FAM171A1: variants seen among roughly 807,000 people sequenced by gnomAD.
FAM171A1 encodes the protein protein FAM171A1.
FAM171A1 carries 23 observed loss-of-function variants against 74.9 expected under a neutral mutation model. That is an observed-to-expected ratio of 0.31 (90% CI 0.22 to 0.44). The LOEUF (loss-of-function observed/expected upper bound fraction) is 0.44, where lower values mean the gene tolerates loss of function less well. FAM171A1 is among the 20% of genes least tolerant of loss of function. FAM171A1 has a pLI of 1.00. For missense variants in FAM171A1, 1,162 were observed against 1,159.2 expected (o/e 1.00, Z -0.03); for synonymous variants, 527 against 505.7 (o/e 1.04, Z -0.57).
At chr10:15,240,271 G>T (rs144856645) in intron 5 of FAM171A1, among the ~76,000 whole-genome samples, 10 of 152,116 alleles carry the variant, frequency 6.6e-5, no homozygotes, top group Non-Finnish European at 2.9e-5. Context: ...TGAGGCCAGA[G>T]AATCACTTGA....
At chr10:15,234,501 T>C (rs908199211) in intron 5 of FAM171A1, among the ~76,000 whole-genome samples, 2 of 152,122 alleles carry the variant, frequency 1.3e-5, no homozygotes, top group African/African-American at 4.8e-5. Flanking sequence ...TCGGGAACAT[T>C]GGTTACAGAA....
intron 1 of FAM171A1, among the ~76,000 whole-genome samples, chr10:15,330,159 T>G (rs541892839): frequency 6.6e-6 from 1 of 152,026 alleles, no homozygotes; most frequent in Non-Finnish European, 1.5e-5. Flanking sequence ...CTGGCCTACA[T>G]AGTGAAACTC....
At chr10:15,291,434 G>A (rs534826009) in intron 1 of FAM171A1, among the ~76,000 whole-genome samples, 72 of 152,294 alleles carry the variant, frequency 4.7e-4, no homozygotes, top group African/African-American at 1.6e-3. Context: ...TAGGCTCATT[G>A]TAAGCGCTCA....
chr10:15,238,824 T>A (rs1301617143), intron 5 of FAM171A1, among the ~76,000 whole-genome samples: 1 of 152,222 alleles, frequency 6.6e-6, no homozygotes, highest in Non-Finnish European at 1.5e-5. Context: ...GAAGAGGCAG[T>A]GAAAACTGGA....
intron 1 of FAM171A1, among the ~76,000 whole-genome samples, chr10:15,328,095 CA>C (rs1337739172): frequency 4.6e-5 from 5 of 107,918 alleles, no homozygotes; most frequent in Non-Finnish European, 5.8e-5. Flanking sequence ...ACCCAAAAAA[CA>C]AACCAAAAAA....
intron 5 of FAM171A1, among the ~76,000 whole-genome samples, chr10:15,240,584 G>A (rs1216500171): frequency 6.6e-6 from 1 of 152,122 alleles, no homozygotes; most frequent in Non-Finnish European, 1.5e-5. Flanking sequence ...AAAGACAACT[G>A]TGAAAAACGG....
At chr10:15,281,548 T>C (rs1204889789) in intron 2 of FAM171A1, among the ~76,000 whole-genome samples, 3 of 152,314 alleles carry the variant, frequency 2.0e-5, no homozygotes, top group South Asian at 4.1e-4. Flanking sequence ...ATTATTCCTA[T>C]GACTTGACTC....
intron 1 of FAM171A1, among the ~76,000 whole-genome samples, chr10:15,365,327 G>A (rs1013685564): frequency 6.6e-6 from 1 of 152,206 alleles, no homozygotes; most frequent in African/African-American, 2.4e-5. Flanking sequence ...TAAACCTGGA[G>A]TGCTGAAACG....
rs577433501 is a variant in FAM171A1, at chr10:15,245,322, C to T, written c.754+3317G>A. Among the ~76,000 whole-genome samples, 3 of 152,328 alleles carry T rather than the reference C, an allele frequency of 2.0e-5. No homozygotes were observed. The East Asian group carries it at 5.8e-4, about 29-fold the overall frequency. ...CCTCAGGTGATCTGCCTGTCTTGGC[C>T]TCCCAAAGTGCTGGTATTACAGGCA... is the stretch of plus-strand genomic sequence containing the variant. On this transcript the variant is annotated intron_variant, in intron 5 of 7. Coordinates refer to ENST00000378116, the MANE Select transcript of FAM171A1 (RefSeq NM_001010924.2).
chr10:15,280,202 T>C (rs1436042761), intron 2 of FAM171A1, among the ~76,000 whole-genome samples: 1 of 152,000 alleles, frequency 6.6e-6, no homozygotes, highest in Non-Finnish European at 1.5e-5. Context: ...CGGCCGACCA[T>C]GAGATATGGA....
intron 1 of FAM171A1, among the ~76,000 whole-genome samples, chr10:15,317,697 C>T (rs1441282343): frequency 6.6e-6 from 1 of 152,186 alleles, no homozygotes; most frequent in Admixed American, 6.5e-5. Flanking sequence ...CCAGCCTGCA[C>T]TGATATTTTA....
In FAM171A1 at chr10:15,214,395, T is replaced by C. The variant is rs371347314; in HGVS notation, c.1193A>G (p.His398Arg). The change falls in exon 8 of 8, where the codon CAT becomes CGT. Residue 398 changes from histidine (H) to arginine (R), a missense_variant. His to Arg is a conservative substitution (Grantham distance 29, BLOSUM62 0). Transcript: ENST00000378116. The part of the protein sequence containing the change: ...PGTKELMSGV[H>R]LEMMSPGGEG... Reference sequence around the variant, plus strand: ...GCCGCCCGGAGACATCATTTCCAAATGGACTCCACTCATCAGTTCCTTCGT... The same window carrying C: ...GCCGCCCGGAGACATCATTTCCAAACGGACTCCACTCATCAGTTCCTTCGT... The C allele has an allele frequency of 6.2e-6, 10 of 1,613,746 alleles. No individual in the cohort carries two copies. Among genetic ancestry groups the C allele is most frequent in the African/African-American group, 4.0e-5 (3 of 74,912 alleles).
chr10:15,324,710 A>G (rs1835529462), intron 1 of FAM171A1, among the ~76,000 whole-genome samples: 2 of 152,080 alleles, frequency 1.3e-5, no homozygotes, highest in Admixed American at 6.6e-5. Context: ...CGTGGATTAA[A>G]CAGCCTTAGT....
intron 1 of FAM171A1, among the ~76,000 whole-genome samples, chr10:15,341,674 G>C (rs1404565743): frequency 6.6e-6 from 1 of 152,216 alleles, no homozygotes; most frequent in East Asian, 1.9e-4. Context: ...ACAGGAACAA[G>C]ACCAGCTGTG....
chr10:15,221,401 G>A (rs1466915231), intron 5 of FAM171A1, among the ~76,000 whole-genome samples: 1 of 152,186 alleles, frequency 6.6e-6, no homozygotes, highest in Non-Finnish European at 1.5e-5. Flanking sequence ...ATGGGGGCTG[G>A]TGGGAGTGAA....
chr10:15,298,939 G>T (rs1445083503), intron 1 of FAM171A1, among the ~76,000 whole-genome samples: 3 of 152,086 alleles, frequency 2.0e-5, no homozygotes, highest in Non-Finnish European at 4.4e-5. Flanking sequence ...TATTTGTGTT[G>T]GGACAGAGTC....
chr10:15,328,094 A>C (rs1279001086), intron 1 of FAM171A1, among the ~76,000 whole-genome samples: 2 of 121,044 alleles, frequency 1.7e-5, no homozygotes, highest in Middle Eastern at 4.4e-3. Flanking sequence ...AACCCAAAAA[A>C]CAAACCAAAA....
At position 15,360,098 on chromosome 10, in the gene FAM171A1, ATTT is replaced by A. The variant is rs545819573; in HGVS notation, c.97+10855_97+10857del. 1.3e-3 allele frequency among the ~76,000 whole-genome samples: 196 copies of A among 152,056 alleles called. 1 individual carries two copies. The highest frequency in any genetic ancestry group is 4.5e-3 in the African/African-American group (187 of 41,450). ...CACAGTGTACCACCATGCCTGGCTA[ATTT>A]TTTTTATTATTTGTAGAGATGAAGT... On this transcript the variant is annotated intron_variant, in intron 1 of 7. Coordinates refer to ENST00000378116, the MANE Select transcript of FAM171A1 (RefSeq NM_001010924.2).
intron 3 of FAM171A1, among the ~76,000 whole-genome samples, chr10:15,274,834 A>C (rs966702825): frequency 2.6e-5 from 4 of 152,144 alleles, no homozygotes; most frequent in Non-Finnish European, 5.9e-5. Flanking sequence ...TCACAATAGC[A>C]AAGACTTGGA....
Sources: gnomAD v4.1 joint callset for allele counts (sites outside exome capture counted in the v4.1 genomes callset) on GRCh38, gnomAD v4.1.1 for gene constraint, MANE v1.5 for transcripts, NCBI Gene and HGNC (gene_info 2026-07-23, HGNC 2026-07-21) for gene names.